Variants in ZCCHC14 observed in about 807,000 individuals in gnomAD.
The protein encoded by ZCCHC14 is zinc finger CCHC-type containing 14.
A neutral mutation model predicts 85.0 loss-of-function variants in ZCCHC14; 16 were observed. That is an observed-to-expected ratio of 0.19 (90% confidence interval 0.13 to 0.29). ZCCHC14 has a LOEUF of 0.29. ZCCHC14 is among the 10% of genes least tolerant of loss of function. The pLI is 1.00. For missense variants in ZCCHC14, 1,303 were observed against 1,443.5 expected (o/e 0.90, Z 1.58); for synonymous variants, 775 against 630.7 (o/e 1.23, Z -3.43).
chr16:87,410,125 G>T lies in ZCCHC14; in HGVS notation c.*155C>A. The stretch of plus-strand genomic sequence containing the variant: ...GTTTTGGCAATAAATCGAGTTTGAT[G>T]CACTTCTACGCTAGATTTTCTATCC... On this transcript the variant is annotated 3_prime_UTR_variant, in exon 13 of 13. Coordinates refer to ENST00000671377, the MANE Select transcript of ZCCHC14 (RefSeq NM_015144.3). 1.9e-6 allele frequency: 1 copy of T among 527,582 alleles called. No homozygotes were observed. Among genetic ancestry groups the T allele is most frequent in the Non-Finnish European group, 3.4e-6 (1 of 296,784 alleles). The allele number at this position is 527,582 out of a possible 1,614,324, so 32.7% of individuals were successfully genotyped here. A position where few individuals can be genotyped will look rare whatever the true frequency, so the allele number is the denominator to read the frequency against.
intron 3 of ZCCHC14, among the ~76,000 whole-genome samples, chr16:87,430,702 A>T (rs1447536161): frequency 6.6e-6 from 1 of 151,958 alleles, no homozygotes; most frequent in African/African-American, 2.4e-5. Context: ...TTGTATTTTT[A>T]GTAGAGTCAG....
chr16:87,409,224 G>A lies in ZCCHC14; in HGVS notation c.*1056C>T, dbSNP rs1908329197. 1.3e-5 allele frequency: 2 copies of A among 152,118 alleles called. No homozygotes were observed. The highest frequency in any genetic ancestry group is 1.5e-5 in the Non-Finnish European group (1 of 68,008). 9.4% of individuals were successfully genotyped at this position (152,118 alleles called of 1,614,324 possible). The stretch of plus-strand genomic sequence containing the variant: ...GACAGGAGAAAATTCCCAATCTTTT[G>A]CTGATAAATGACAGGACTGTATCAT... On this transcript the variant is annotated 3_prime_UTR_variant, in exon 13 of 13. Transcript: ENST00000671377.
chr16:87,427,415 T>C (rs1405948937), intron 3 of ZCCHC14, among the ~76,000 whole-genome samples: 2 of 152,160 alleles, frequency 1.3e-5, no homozygotes, highest in East Asian at 3.9e-4. Flanking sequence ...GTATGAACTT[T>C]TTTTTCTTTT....
intron 4 of ZCCHC14, among the ~76,000 whole-genome samples, chr16:87,423,402 T>A: frequency 6.6e-6 from 1 of 151,910 alleles, no homozygotes; most frequent in Admixed American, 6.6e-5. Flanking sequence ...AATAATAAAA[T>A]AAATAAATAA....
At chr16:87,446,103 G>A (rs1910421933) in intron 2 of ZCCHC14, among the ~76,000 whole-genome samples, 1 of 149,544 alleles carries the variant, frequency 6.7e-6, no homozygotes, top group Non-Finnish European at 1.5e-5. Flanking sequence ...GGAGGCAGAG[G>A]TTGTAGTGAG....
At chr16:87,490,824 C>T (rs1257523747) in intron 1 of ZCCHC14, among the ~76,000 whole-genome samples, 1 of 152,248 alleles carries the variant, frequency 6.6e-6, no homozygotes, top group Non-Finnish European at 1.5e-5. Context: ...TGCACATATA[C>T]ATGCCCACAT....
chr16:87,463,245 C>T (rs1027204996), intron 1 of ZCCHC14, among the ~76,000 whole-genome samples: 9 of 151,950 alleles, frequency 5.9e-5, no homozygotes, highest in Admixed American at 2.6e-4. Flanking sequence ...AGCTGGGTGT[C>T]GTGGCCTGTG....
chr16:87,460,629 G>A (rs1222096792), intron 1 of ZCCHC14, among the ~76,000 whole-genome samples: 3 of 152,128 alleles, frequency 2.0e-5, no homozygotes, highest in Non-Finnish European at 4.4e-5. Context: ...GGCAGGGGCT[G>A]CAGTGAGCCA....
chr16:87,433,768 A>G (rs956580250), intron 2 of ZCCHC14, among the ~76,000 whole-genome samples: 1 of 151,288 alleles, frequency 6.6e-6, no homozygotes, highest in Non-Finnish European at 1.5e-5. Flanking sequence ...CGGCCTCCCC[A>G]GTAGCTGGGA....
chr16:87,407,716 G>A lies in ZCCHC14; in HGVS notation c.*2564C>T, dbSNP rs1443509496. 2 of 152,238 alleles carry A rather than the reference G, an allele frequency of 1.3e-5. No homozygotes were observed. 9.4% of individuals were successfully genotyped at this position (152,238 alleles called of 1,614,324 possible). On this transcript the variant is annotated 3_prime_UTR_variant, in exon 13 of 13. Coordinates refer to ENST00000671377, the MANE Select transcript of ZCCHC14 (RefSeq NM_015144.3). ...CATTCTGAAACAGACCACACTTTCAGGAAAATGACTAAGTACTTGAAAGGG... is the reference window on the plus strand; with the variant it reads ...CATTCTGAAACAGACCACACTTTCAAGAAAATGACTAAGTACTTGAAAGGG...
intron 2 of ZCCHC14, among the ~76,000 whole-genome samples, chr16:87,441,680 C>G (rs918092093): frequency 6.6e-6 from 1 of 152,198 alleles, no homozygotes; most frequent in Non-Finnish European, 1.5e-5. Context: ...CAATCGACAA[C>G]TCTGAGATTA....
chr16:87,467,108 C>A, intron 1 of ZCCHC14: 1 of 628,716 alleles, frequency 1.6e-6, no homozygotes, highest in Non-Finnish European at 2.8e-6. Context: ...TGACCTCTAA[C>A]TCCTGGCCTC....
At chr16:87,477,688 C>T (rs528305213) in intron 1 of ZCCHC14, among the ~76,000 whole-genome samples, 1 of 152,188 alleles carries the variant, frequency 6.6e-6, no homozygotes, top group Non-Finnish European at 1.5e-5. Context: ...ACTCATGGAG[C>T]TGTTATGAGG....
intron 12 of ZCCHC14, among the ~76,000 whole-genome samples, chr16:87,411,202 G>A (rs1269105243): frequency 6.6e-6 from 1 of 152,190 alleles, no homozygotes; most frequent in Non-Finnish European, 1.5e-5. Flanking sequence ...TTAAGCCAGG[G>A]GGCAGCACTG....
intron 4 of ZCCHC14, among the ~76,000 whole-genome samples, chr16:87,422,649 T>C (rs1021498494): frequency 6.6e-6 from 1 of 151,148 alleles, no homozygotes; most frequent in Non-Finnish European, 1.5e-5. Flanking sequence ...GGCAGGAGAA[T>C]TGCTTGAAGC....
At chr16:87,469,174 A>C (rs1911667005) in intron 1 of ZCCHC14, among the ~76,000 whole-genome samples, 2 of 152,134 alleles carry the variant, frequency 1.3e-5, no homozygotes, top group African/African-American at 4.8e-5. Flanking sequence ...CAGCCTCCCG[A>C]GTAGCTGGGA....
At chr16:87,458,861 G>T (rs537993393) in intron 2 of ZCCHC14, among the ~76,000 whole-genome samples, 14 of 152,290 alleles carry the variant, frequency 9.2e-5, no homozygotes, top group Admixed American at 9.2e-4. Context: ...TCTATGCCAT[G>T]GGGGCTCAGG....
At chr16:87,472,271 C>T in intron 1 of ZCCHC14, 1 of 152,218 alleles carries the variant, frequency 6.6e-6, no homozygotes, top group African/African-American at 2.4e-5. Flanking sequence ...GCCTGTGTCC[C>T]CATCTGTAAA....
intron 7 of ZCCHC14, 109 bp downstream of exon 7, chr16:87,418,738 G>C: frequency 9.0e-7 from 1 of 1,114,720 alleles, no homozygotes; most frequent in Non-Finnish European, 1.3e-6. Context: ...TATCATCCAA[G>C]ACTCAACTTG....
Sources: gnomAD v4.1 joint callset for allele counts (sites outside exome capture counted in the v4.1 genomes callset) on GRCh38, gnomAD v4.1.1 for gene constraint, MANE v1.5 for transcripts, NCBI Gene and HGNC (gene_info 2026-07-23, HGNC 2026-07-21) for gene names.